Variants in ZNF823 observed in about 807,000 individuals in gnomAD.
The protein encoded by ZNF823 is zinc finger protein 823.
In ZNF823, 5 loss-of-function variants were observed where a neutral mutation model predicts 11.4. That is an observed-to-expected ratio of 0.44 (90% CI 0.23 to 0.92). ZNF823 has a LOEUF of 0.92. ZNF823 is among the 40% of genes least tolerant of loss of function. ZNF823 has a pLI of 0.24. For missense variants in ZNF823, 582 were observed against 738.5 expected (o/e 0.79, Z 2.46); for synonymous variants, 234 against 250.5 (o/e 0.93, Z 0.62).
chr19:11,736,781 T>G (rs1369916257), intron 1 of ZNF823, among the ~76,000 whole-genome samples: 1 of 152,162 alleles, frequency 6.6e-6, no homozygotes, highest in African/African-American at 2.4e-5. Context: ...TCTTATCACT[T>G]GGGACATCTC....
At chr19:11,723,374 T>A in intron 3 of ZNF823, 32 bp from the exon 4 acceptor site, 1 of 1,500,916 alleles carries the variant, frequency 6.7e-7, no homozygotes, top group Non-Finnish European at 8.9e-7. Flanking sequence ...TTACTAAAGG[T>A]TTGTTTATAA....
intron 2 of ZNF823, among the ~76,000 whole-genome samples, chr19:11,724,702 G>A (rs930516941): frequency 1.3e-5 from 2 of 151,762 alleles, no homozygotes; most frequent in Non-Finnish European, 2.9e-5. Context: ...GGGGCTACAG[G>A]TGTCCGCCAT....
intron 1 of ZNF823, among the ~76,000 whole-genome samples, chr19:11,733,227 C>T (rs1490113302): frequency 1.3e-5 from 2 of 151,958 alleles, no homozygotes; most frequent in African/African-American, 2.4e-5. Context: ...ATTAGTTGGG[C>T]GTGGTGGCAC....
intron 1 of ZNF823, among the ~76,000 whole-genome samples, chr19:11,726,885 T>G (rs959192036): frequency 6.6e-6 from 1 of 152,190 alleles, no homozygotes; most frequent in African/African-American, 2.4e-5. Flanking sequence ...TGCAACTTGT[T>G]ACATGGGATA....
intron 1 of ZNF823, 46 bp downstream of exon 1, chr19:11,738,771 A>G: frequency 1.9e-6 from 3 of 1,598,388 alleles, no homozygotes; most frequent in Non-Finnish European, 2.6e-6. Flanking sequence ...GGCCGGTTCC[A>G]ACCTGCCCCT....
chr19:11,723,478 T>C (rs1173241815), intron 3 of ZNF823, 136 bp from the exon 4 acceptor site: 1 of 760,314 alleles, frequency 1.3e-6, no homozygotes, highest in African/African-American at 1.8e-5. Context: ...GAAGTGACAG[T>C]GCTGTGTAAG....
chr19:11,732,694 A>T (rs757494550), intron 1 of ZNF823, among the ~76,000 whole-genome samples: 1 of 151,858 alleles, frequency 6.6e-6, no homozygotes, highest in African/African-American at 2.4e-5. Context: ...CGGCCTCCCA[A>T]TGTGCTGGGA....
rs1974690576 is a variant in ZNF823 at position 11,721,984 on chromosome 19, T to G, written c.1550A>C (p.His517Pro). The change falls in exon 4 of 4, where the codon CAT becomes CCT. Residue 517 changes from histidine (H) to proline (P), a missense_variant. Physicochemically the swap from His to Pro is moderately conservative, Grantham distance 77. Transcript: ENST00000341191. The stretch of plus-strand genomic sequence containing the variant: ...CTTCTCTCCAGAGTGAATCCTTTCA[T>G]GGACTTTTAAGTTACTGAAATGACT... Reference protein sequence around the residue: ...AFSHFSNLKVHERIHSGEKPY... With the variant: ...AFSHFSNLKVPERIHSGEKPY... 1 of 1,614,106 alleles carries G rather than the reference T, an allele frequency of 6.2e-7. No homozygotes were observed. The highest frequency in any genetic ancestry group is 1.3e-5 in the African/African-American group (1 of 74,954).
rs368892172 is a variant in ZNF823 at position 11,722,285 on chromosome 19, G to A, written c.1249C>T (p.Gln417Ter). 1 of 1,612,592 alleles carries A rather than the reference G, an allele frequency of 6.2e-7. No individual in the cohort carries two copies. The highest frequency in any genetic ancestry group is 1.3e-5 in the African/African-American group (1 of 74,494). Reference protein sequence around the residue: ...ERTHTGEKPYQCKQCGKAFSL... With the variant: ...ERTHTGEKPY ...AAGGCTTTACCACATTGTTTACATT[G>A]ATAGGGTTTCTCTCCAGTGTGAGTC... Residue 417 changes from glutamine (Q) to a stop codon, truncating the protein, a stop_gained, in exon 4 of 4, where the codon CAA becomes TAA. Transcript: ENST00000341191. LOFTEE classifies it low-confidence loss of function (END_TRUNC). This position sits in a 1 kb window ranked among gnomAD's most constrained non-coding sequence, Gnocchi z 5.2.
intron 1 of ZNF823, among the ~76,000 whole-genome samples, chr19:11,734,070 A>G (rs1974950566): frequency 6.6e-6 from 1 of 151,894 alleles, no homozygotes; most frequent in African/African-American, 2.4e-5. Context: ...CCTCATCTCT[A>G]TGAAAAATAC....
chr19:11,735,040 C>T (rs907293629), intron 1 of ZNF823, among the ~76,000 whole-genome samples: 1 of 151,822 alleles, frequency 6.6e-6, no homozygotes, highest in Non-Finnish European at 1.5e-5. Context: ...TTTGGGAGGC[C>T]GAGGTGGGCT....
intron 1 of ZNF823, 109 bp from the exon 2 acceptor site, chr19:11,725,436 G>C (rs114075178): frequency 1.4e-6 from 2 of 1,479,542 alleles, no homozygotes; most frequent in Non-Finnish European, 1.9e-6. Context: ...GCATTTATTC[G>C]ATGACATAGT....
At chr19:11,729,706 T>C (rs1457745580) in intron 1 of ZNF823, among the ~76,000 whole-genome samples, 1 of 152,148 alleles carries the variant, frequency 6.6e-6, no homozygotes, top group African/African-American at 2.4e-5. Flanking sequence ...AGTGGCTATC[T>C]TGGTAGTAAT....
chr19:11,723,679 G>A (rs1346984599), intron 3 of ZNF823, among the ~76,000 whole-genome samples: 1 of 152,162 alleles, frequency 6.6e-6, no homozygotes, highest in Non-Finnish European at 1.5e-5. Flanking sequence ...CCAAGTAGCT[G>A]GGATTACAGG....
At position 11,721,946 on chromosome 19, in the gene ZNF823, T is replaced by A. The variant is rs1974688974; in HGVS notation, c.1588A>T (p.Lys530Ter). 3 of 1,614,036 alleles carry A rather than the reference T, an allele frequency of 1.9e-6. No individual in the cohort carries two copies. Among genetic ancestry groups the A allele is most frequent in the African/African-American group, 2.7e-5 (2 of 74,928 alleles). Reference protein sequence around the residue: ...IHSGEKPYECKECGKAFSWLT... With the variant: ...IHSGEKPYEC ...CAAGAGAATGCTTTTCCACATTCCT[T>A]ACATTCATATGGCTTCTCTCCAGAG... is the stretch of plus-strand genomic sequence containing the variant. Residue 530 changes from lysine to a stop codon, truncating the protein, a stop_gained, in exon 4 of 4, where the codon AAG becomes TAG. Coordinates refer to ENST00000341191, the MANE Select transcript of ZNF823 (RefSeq NM_001080493.4). LOFTEE classifies it low-confidence loss of function (END_TRUNC).
At chr19:11,724,776 G>A (rs1379144923) in intron 2 of ZNF823, among the ~76,000 whole-genome samples, 1 of 151,560 alleles carries the variant, frequency 6.6e-6, no homozygotes, top group Non-Finnish European at 1.5e-5. Flanking sequence ...TAGCCAGGAT[G>A]GTCTCGATCT....
intron 1 of ZNF823, among the ~76,000 whole-genome samples, chr19:11,732,321 C>T (rs1305476657): frequency 1.3e-5 from 2 of 152,088 alleles, no homozygotes; most frequent in Admixed American, 6.5e-5. Flanking sequence ...ACTGCCACCA[C>T]GCCCAGCTAA....
chr19:11,725,360 T>G, intron 1 of ZNF823, 33 bp from the exon 2 acceptor site: 1 of 1,611,234 alleles, frequency 6.2e-7, no homozygotes, highest in Non-Finnish European at 8.5e-7. Flanking sequence ...AGGAGGAAGG[T>G]TGAGATGGAC....
chr19:11,723,171 A>G lies in ZNF823; in HGVS notation c.363T>C (p.Thr121=). ...CCTGATGCTCACATGATTTGTGTCCAGTGTCAACTCTGATGTTGCAATTAA... is the reference window on the plus strand; with the variant it reads ...CCTGATGCTCACATGATTTGTGTCCGGTGTCAACTCTGATGTTGCAATTAA... ...SSLNCNIRVD[T]GHKSCEHQEY... The change falls in exon 4 of 4, where the codon ACT becomes ACC. Residue 121 remains threonine (T), a synonymous_variant. Transcript: ENST00000341191. 5.0e-6 allele frequency: 8 copies of G among 1,614,180 alleles called. No individual in the cohort carries two copies. The highest frequency in any genetic ancestry group is 6.8e-6 in the Non-Finnish European group (8 of 1,180,042).
Sources: gnomAD v4.1 joint callset for allele counts (sites outside exome capture counted in the v4.1 genomes callset) on GRCh38, gnomAD v4.1.1 for gene constraint, Gnocchi (gnomAD v3.1) non-coding constraint, MANE v1.5 for transcripts, NCBI Gene and HGNC (gene_info 2026-07-23, HGNC 2026-07-21) for gene names.